Variants in RBFOX1 observed in about 807,000 individuals in gnomAD.
RBFOX1 encodes RNA binding protein fox-1 homolog 1.
A neutral mutation model predicts 57.7 loss-of-function variants in RBFOX1; 8 were observed. That is an observed-to-expected ratio of 0.14 (90% CI 0.08 to 0.25). The LOEUF is 0.25. RBFOX1 is among the 10% of genes least tolerant of loss of function. RBFOX1 has a pLI of 1.00. For missense variants in RBFOX1, 611 were observed against 548.5 expected, an observed-to-expected ratio of 1.11 and a Z score of -1.14; for synonymous variants, 326 against 222.4, an observed-to-expected ratio of 1.47 and a Z score of -4.15.
intron 4 of RBFOX1, among the ~76,000 whole-genome samples, chr16:7,327,049 T>C (rs1490665360): frequency 2.0e-5 from 3 of 152,318 alleles, no homozygotes; most frequent in Non-Finnish European, 4.4e-5. Flanking sequence ...AGTCATGATA[T>C]GGTGTGGGCA....
At chr16:5,307,915 C>T (rs998377536) in intron 1 of RBFOX1, among the ~76,000 whole-genome samples, 1 of 152,170 alleles carries the variant, frequency 6.6e-6, no homozygotes, top group Non-Finnish European at 1.5e-5. Context: ...AGGCCTCAGG[C>T]AATCCTCCTG....
At chr16:7,582,278 T>A (rs957308604) in intron 6 of RBFOX1, among the ~76,000 whole-genome samples, 6 of 152,182 alleles carry the variant, frequency 3.9e-5, no homozygotes, top group African/African-American at 1.4e-4. Context: ...GAACACACCA[T>A]GCATTTAGTG....
chr16:7,292,518 A>G (rs1044312498), intron 4 of RBFOX1, among the ~76,000 whole-genome samples: 5 of 118,818 alleles, frequency 4.2e-5, no homozygotes, highest in African/African-American at 1.1e-4. Flanking sequence ...AAATATATAT[A>G]ATACTATATG....
At chr16:6,979,388 AT>A (rs5815359) in intron 3 of RBFOX1, among the ~76,000 whole-genome samples, 120,811 of 152,152 alleles carry the variant, frequency 0.79, 48,451 homozygotes, top group African/African-American at 0.92. Flanking sequence ...AGCACTTTCC[AT>A]TGTGCGATAG....
intron 1 of RBFOX1, among the ~76,000 whole-genome samples, chr16:6,286,736 C>T (rs716509): frequency 0.78 from 118,893 of 152,128 alleles, 46,754 homozygotes; most frequent in East Asian, 0.99. Flanking sequence ...ACTGCACAGG[C>T]TCACCTGGGT....
At chr16:7,698,242 C>T (rs1266854996) in intron 14 of RBFOX1, among the ~76,000 whole-genome samples, 2 of 151,252 alleles carry the variant, frequency 1.3e-5, no homozygotes, top group African/African-American at 2.4e-5. Context: ...GAGGCTGGGA[C>T]TCACTAGCAG....
At chr16:7,140,157 C>CTCTCTCTCTCTCTCTCTCTCTCT (rs2073295791) in intron 4 of RBFOX1, among the ~76,000 whole-genome samples, 1 of 70,888 alleles carries the variant, frequency 1.4e-5, no homozygotes, top group Non-Finnish European at 2.7e-5. Context: ...TCCTTCTCTC[C>CTCTCTCTCTCTCTCTCTCTCTCT]CTCTCTCTCT....
intron 1 of RBFOX1, among the ~76,000 whole-genome samples, chr16:5,439,179 G>A (rs1173598491): frequency 6.6e-6 from 1 of 152,058 alleles, no homozygotes; most frequent in Non-Finnish European, 1.5e-5. Context: ...TGTGCAGCTG[G>A]GCCCTGGTGA....
intron 5 of RBFOX1, among the ~76,000 whole-genome samples, chr16:7,547,366 C>T (rs759782754): frequency 6.6e-6 from 1 of 152,164 alleles, no homozygotes; most frequent in Non-Finnish European, 1.5e-5. Flanking sequence ...TGTCAGTTGG[C>T]ACCACAGTTT....
intron 2 of RBFOX1, among the ~76,000 whole-genome samples, chr16:6,576,050 A>T (rs1392809789): frequency 6.6e-6 from 1 of 152,150 alleles, no homozygotes; most frequent in East Asian, 1.9e-4. Flanking sequence ...GTTCAAAAAC[A>T]ATGACTAGCA....
At chr16:6,554,947 A>G (rs1348082513) in intron 2 of RBFOX1, among the ~76,000 whole-genome samples, 2 of 152,330 alleles carry the variant, frequency 1.3e-5, no homozygotes, top group East Asian at 3.9e-4. Context: ...ACCTAGGGCT[A>G]AGTGACTAGC....
chr16:6,135,785 CTTTTTTT>C (rs35563303), intron 1 of RBFOX1, among the ~76,000 whole-genome samples: 7 of 85,024 alleles, frequency 8.2e-5, no homozygotes, highest in South Asian at 3.8e-4. Flanking sequence ...CTCGTTTCGA[CTTTTTTT>C]TTTTTTTTTT....
chr16:6,088,536 C>CCTT (rs1397623735), intron 1 of RBFOX1, among the ~76,000 whole-genome samples: 2 of 151,638 alleles, frequency 1.3e-5, no homozygotes, highest in Non-Finnish European at 2.9e-5. Flanking sequence ...TTTTCTCCTT[C>CCTT]CTTCCTTCCT....
chr16:6,666,508 C>G (rs936190046), intron 3 of RBFOX1, among the ~76,000 whole-genome samples: 1 of 149,396 alleles, frequency 6.7e-6, no homozygotes, highest in African/African-American at 2.5e-5. Flanking sequence ...CCACTGCACT[C>G]CAGCCTGGGT....
chr16:6,772,669 TTGAG>T (rs1385378763), intron 3 of RBFOX1, among the ~76,000 whole-genome samples: 5 of 135,292 alleles, frequency 3.7e-5, no homozygotes, highest in Admixed American at 7.4e-5. Flanking sequence ...TATGTGGACT[TTGAG>T]TGCATTTGTG....
intron 4 of RBFOX1, among the ~76,000 whole-genome samples, chr16:7,124,659 C>T (rs2068033919): frequency 6.7e-6 from 1 of 150,078 alleles, no homozygotes. Context: ...TCACATTCTA[C>T]CTAAAAACGT....
chr16:5,652,474 A>G (rs1225888015), intron 3 of RBFOX1, among the ~76,000 whole-genome samples: 2 of 152,302 alleles, frequency 1.3e-5, no homozygotes, highest in South Asian at 2.1e-4. Flanking sequence ...GAGCCTAAAC[A>G]TAAATTATTA....
chr16:6,708,316 T>A (rs1356605506), intron 3 of RBFOX1, among the ~76,000 whole-genome samples: 2 of 149,396 alleles, frequency 1.3e-5, no homozygotes, highest in South Asian at 4.2e-4. Context: ...TCACACTCAT[T>A]CACAAAAATC....
intron 4 of RBFOX1, among the ~76,000 whole-genome samples, chr16:7,197,481 C>T (rs909909495): frequency 2.5e-4 from 36 of 143,760 alleles, no homozygotes; most frequent in African/African-American, 8.6e-4. Context: ...TGTGATACTG[C>T]AGAATTATCA....
Sources: gnomAD v4.1 joint callset for allele counts (sites outside exome capture counted in the v4.1 genomes callset) on GRCh38, gnomAD v4.1.1 for gene constraint, MANE v1.5 for transcripts, NCBI Gene and HGNC (gene_info 2026-07-23, HGNC 2026-07-21) for gene names.